The following BPTF variants were observed in gnomAD, a reference collection of about 807,000 sequenced individuals.
The protein encoded by BPTF is nucleosome-remodeling factor subunit BPTF.
In BPTF, 18 loss-of-function variants were observed where a neutral mutation model predicts 292.5. The observed-to-expected ratio is 0.06, with a 90% CI of 0.04 to 0.09. The LOEUF (loss-of-function observed/expected upper bound fraction) is 0.09, where lower values mean the gene tolerates loss of function less well. Ranked by LOEUF, BPTF falls within the 10% of genes least tolerant of loss-of-function variation. The pLI, the probability that BPTF is intolerant of heterozygous loss-of-function variation, is 1.00. For missense variants in BPTF, 2,726 were observed against 3,498.7 expected, an observed-to-expected ratio of 0.78 and a Z score of 5.57; for synonymous variants, 1,225 against 1,251.9, an observed-to-expected ratio of 0.98 and a Z score of 0.45.
rs1307243915 is a variant in BPTF, at chr17:67,983,900, G to T, written c.*1612G>T. 1 of 152,568 alleles carries T rather than the reference G, an allele frequency of 6.6e-6. No homozygotes were observed. The highest frequency in any genetic ancestry group is 2.4e-5 in the African/African-American group (1 of 41,432). The allele number at this position is 152,568 out of a possible 1,614,324, so 9.5% of individuals were successfully genotyped here. A position where few individuals can be genotyped will look rare whatever the true frequency, so the allele number is the denominator to read the frequency against. On this transcript the variant is annotated 3_prime_UTR_variant, in exon 28 of 28. Coordinates refer to ENST00000306378, the MANE Select transcript of BPTF (RefSeq NM_182641.4). ...CGATTCTTTCTTATTACAGGCTCAG[G>T]TGTACAGGTTATTCTGGGTTAATTT...
At chr17:67,920,962 T>C (rs1198449576) in intron 13 of BPTF, among the ~76,000 whole-genome samples, 2 of 151,976 alleles carry the variant, frequency 1.3e-5, no homozygotes, top group African/African-American at 4.8e-5. Context: ...ATTCCAGGAC[T>C]TTGGGAGGCC....
At chr17:67,832,904 C>T (rs1394621799) in intron 1 of BPTF, among the ~76,000 whole-genome samples, 1 of 150,454 alleles carries the variant, frequency 6.6e-6, no homozygotes, top group Non-Finnish European at 1.5e-5. Flanking sequence ...TCTCCTGCCT[C>T]AGCCTCCCAA....
intron 2 of BPTF, among the ~76,000 whole-genome samples, chr17:67,864,172 A>G (rs1170584821): frequency 6.6e-6 from 1 of 152,202 alleles, no homozygotes; most frequent in Non-Finnish European, 1.5e-5. Flanking sequence ...CACTTTTACA[A>G]TGAGGACAAA....
In BPTF at chr17:67,945,911, T is replaced by G; in HGVS notation, c.7203T>G (p.Thr2401=). The change falls in exon 21 of 28, where the codon ACT becomes ACG. Residue 2401 remains threonine (T), a synonymous_variant. Coordinates refer to ENST00000306378, the MANE Select transcript of BPTF (RefSeq NM_182641.4). Reference sequence around the variant, plus strand: ...CACAACCCCAGGTACAGTCTTCAACTCAAACTCTTTCATCAGGACAAACTT... The same window carrying G: ...CACAACCCCAGGTACAGTCTTCAACGCAAACTCTTTCATCAGGACAAACTT... ...PQSQPQVQSS[T]QTLSSGQTLN... 1 of 1,614,156 alleles carries G rather than the reference T, an allele frequency of 6.2e-7. No individual in the cohort carries two copies. The highest frequency in any genetic ancestry group is 1.1e-5 in the South Asian group (1 of 91,078).
chr17:67,885,506 C>G (rs150690469), intron 4 of BPTF, among the ~76,000 whole-genome samples: 3 of 152,286 alleles, frequency 2.0e-5, no homozygotes, highest in East Asian at 3.9e-4. Context: ...GGGAGAATCT[C>G]TTGAACCTGG....
At chr17:67,981,402 A>G in intron 27 of BPTF, 2 of 988,646 alleles carry the variant, frequency 2.0e-6, no homozygotes, top group East Asian at 7.8e-5. Context: ...ATAATTCATC[A>G]TTTATACCAT....
chr17:67,860,133 A>G (rs2058988668), intron 2 of BPTF, among the ~76,000 whole-genome samples: 1 of 152,232 alleles, frequency 6.6e-6, no homozygotes, highest in Non-Finnish European at 1.5e-5. Context: ...TCAGGCAAAT[A>G]GGATTATCTT....
rs1555685672 is a variant in BPTF, at chr17:67,964,347, C to G, written c.8397C>G (p.Leu2799=). The G allele has an allele frequency of 6.2e-7, 1 of 1,614,132 alleles. No individual in the cohort carries two copies. Among genetic ancestry groups the G allele is most frequent in the Non-Finnish European group, 8.5e-7 (1 of 1,180,016 alleles). ...CAACAGAGGATGCCATGACAGTGCTCACGCCACTAACAGAGAAGGATTATG... is the reference window on the plus strand; with the variant it reads ...CAACAGAGGATGCCATGACAGTGCTGACGCCACTAACAGAGAAGGATTATG... The part of the protein sequence containing the change: ...CQSTEDAMTV[L]TPLTEKDYEG... Residue 2799 remains leucine (L), a synonymous_variant, in exon 25 of 28, where the codon CTC becomes CTG. Coordinates refer to ENST00000306378, the MANE Select transcript of BPTF (RefSeq NM_182641.4).
intron 1 of BPTF, among the ~76,000 whole-genome samples, chr17:67,840,492 C>T (rs950268734): frequency 1.1e-4 from 16 of 151,694 alleles, no homozygotes; most frequent in African/African-American, 1.7e-4. Context: ...GCTGCTCCTC[C>T]GCCTCCTCCT....
rs1567979890 is a variant in BPTF at position 67,886,277 on chromosome 17, A to G, written c.1865-5567A>G. 1.2e-6 allele frequency: 2 copies of G among 1,614,064 alleles called. No homozygotes were observed. The highest frequency in any genetic ancestry group is 1.7e-5 in the Admixed American group (1 of 60,024). On this transcript the variant is annotated intron_variant, in intron 4 of 27. Coordinates refer to ENST00000306378, the MANE Select transcript of BPTF (RefSeq NM_182641.4). Reference sequence around the variant, plus strand: ...AGCTGATGATCCTGAAAATGGAGAAAGAGAATCTCATACACCTGTCTCTAT... The same window carrying G: ...AGCTGATGATCCTGAAAATGGAGAAGGAGAATCTCATACACCTGTCTCTAT...
At chr17:67,898,185 TGTG>T (rs749561491) in intron 7 of BPTF, among the ~76,000 whole-genome samples, 1 of 152,100 alleles carries the variant, frequency 6.6e-6, no homozygotes, top group Non-Finnish European at 1.5e-5. Context: ...GCATGGCCAA[TGTG>T]GTGAAACCCC....
intron 1 of BPTF, among the ~76,000 whole-genome samples, chr17:67,848,319 A>G (rs1430986012): frequency 6.6e-6 from 1 of 152,174 alleles, no homozygotes; most frequent in Non-Finnish European, 1.5e-5. Flanking sequence ...TGGTTGAACA[A>G]ATATTTTTTT....
chr17:67,947,607 A>G (rs2065907675), intron 21 of BPTF, 119 bp from the exon 22 acceptor site: 16 of 761,250 alleles, frequency 2.1e-5, no homozygotes. Context: ...GTTACGATAT[A>G]AAATTCTTAC....
intron 11 of BPTF, 107 bp downstream of exon 11, chr17:67,913,294 A>G: frequency 6.9e-7 from 1 of 1,440,746 alleles, no homozygotes; most frequent in East Asian, 2.4e-5. Flanking sequence ...AAGACAGGAA[A>G]CATATTAATG....
Position 67,918,717 on chromosome 17 carries a change from T to C in BPTF, c.5307T>C (p.Tyr1769=). ...PRPTFGITWR[Y]RLQTVKSLAG... is the part of the protein sequence containing the mutation. Reference sequence around the variant, plus strand: ...ATTTCTTTGGTTTTCCTTTCAGGTATAGACTTCAGACAGTAAAGTCCTTAG... The same window carrying C: ...ATTTCTTTGGTTTTCCTTTCAGGTACAGACTTCAGACAGTAAAGTCCTTAG... Residue 1769 remains tyrosine, a synonymous_variant, in exon 12 of 28, where the codon TAT becomes TAC. Coordinates refer to ENST00000306378, the MANE Select transcript of BPTF (RefSeq NM_182641.4). 1 of 1,612,856 alleles carries C rather than the reference T, an allele frequency of 6.2e-7. No homozygotes were observed. Among genetic ancestry groups the C allele is most frequent in the Non-Finnish European group, 8.5e-7 (1 of 1,179,100 alleles).
chr17:67,845,808 CTATG>C (rs1291849539), intron 1 of BPTF, among the ~76,000 whole-genome samples: 1 of 149,300 alleles, frequency 6.7e-6, no homozygotes, highest in Non-Finnish European at 1.5e-5. Flanking sequence ...ATATTTATAA[CTATG>C]TATTTATATA....
intron 7 of BPTF, among the ~76,000 whole-genome samples, chr17:67,896,001 T>A (rs1053929596): frequency 1.9e-4 from 29 of 150,772 alleles, no homozygotes; most frequent in African/African-American, 7.1e-4. Context: ...TCTCGCTCTG[T>A]CACCCAGGCT....
chr17:67,961,989 GA>G (rs1555684383), intron 24 of BPTF, among the ~76,000 whole-genome samples: 7 of 150,590 alleles, frequency 4.6e-5, no homozygotes, highest in African/African-American at 1.5e-4. Context: ...AAAAAGAAAA[GA>G]AAAAAAGCCG....
intron 4 of BPTF, among the ~76,000 whole-genome samples, chr17:67,875,281 A>G (rs1382519469): frequency 6.6e-6 from 1 of 152,200 alleles, no homozygotes; most frequent in African/African-American, 2.4e-5. Context: ...AAAAAGAACT[A>G]TTCTTTAATA....
Sources: gnomAD v4.1 joint callset for allele counts (sites outside exome capture counted in the v4.1 genomes callset) on GRCh38, gnomAD v4.1.1 for gene constraint, MANE v1.5 for transcripts, NCBI Gene and HGNC (gene_info 2026-07-23, HGNC 2026-07-21) for gene names.